LRRC72: variants seen among roughly 807,000 people sequenced by gnomAD.
The protein encoded by LRRC72 is leucine-rich repeat-containing protein 72.
Under a neutral mutation model 35.8 loss-of-function variants are expected in LRRC72, and 41 were observed. That is an observed-to-expected ratio of 1.15 (90% CI 0.89 to 1.49). The LOEUF (loss-of-function observed/expected upper bound fraction) is 1.49. LRRC72 is among the 40% of genes most tolerant of loss of function. The pLI, the probability that LRRC72 is intolerant of heterozygous loss-of-function variation, is 0.00. For synonymous variants in LRRC72, 118 were observed against 119.2 expected (o/e 0.99, Z 0.07); for missense variants, 389 against 330.7 (o/e 1.18, Z -1.37).
intron 4 of LRRC72, among the ~76,000 whole-genome samples, chr7:16,558,450 A>G (rs532646901): frequency 2.0e-5 from 3 of 152,260 alleles, no homozygotes; most frequent in African/African-American, 7.2e-5. Flanking sequence ...TCTCTACTAA[A>G]AATACAAAAA....
chr7:16,577,890 G>C (rs376952111), intron 7 of LRRC72, among the ~76,000 whole-genome samples: 2 of 152,146 alleles, frequency 1.3e-5, no homozygotes, highest in African/African-American at 4.8e-5. Flanking sequence ...TAAAGATGAG[G>C]GGGGAACGAG....
At chr7:16,557,078 G>C (rs1459532979) in intron 3 of LRRC72, among the ~76,000 whole-genome samples, 2 of 152,172 alleles carry the variant, frequency 1.3e-5, no homozygotes, top group Non-Finnish European at 2.9e-5. Flanking sequence ...GGCTAGGCCA[G>C]GTTACAGAGG....
chr7:16,536,001 T>C (rs1782250785), intron 2 of LRRC72, among the ~76,000 whole-genome samples: 1 of 152,168 alleles, frequency 6.6e-6, no homozygotes, highest in East Asian at 1.9e-4. Flanking sequence ...GTCTCCTAAG[T>C]AGCTGGGATT....
intron 7 of LRRC72, among the ~76,000 whole-genome samples, chr7:16,574,927 C>A (rs1783012109): frequency 6.6e-6 from 1 of 151,990 alleles, no homozygotes; most frequent in African/African-American, 2.4e-5. Flanking sequence ...ACCAGCCTGG[C>A]CAATATGGTT....
chr7:16,560,474 C>T (rs1011363931), intron 5 of LRRC72, among the ~76,000 whole-genome samples: 1 of 152,116 alleles, frequency 6.6e-6, no homozygotes, highest in Non-Finnish European at 1.5e-5. Context: ...CGTGAGAAGG[C>T]TGCCTGCTGT....
intron 3 of LRRC72, among the ~76,000 whole-genome samples, chr7:16,543,955 G>C (rs992293180): frequency 1.3e-5 from 2 of 152,126 alleles, no homozygotes; most frequent in Admixed American, 6.5e-5. Context: ...ATTTGAGTTG[G>C]GCTTAAAAGT....
intron 3 of LRRC72, among the ~76,000 whole-genome samples, chr7:16,544,848 G>A (rs1192988165): frequency 1.3e-5 from 2 of 152,148 alleles, no homozygotes; most frequent in African/African-American, 4.8e-5. Flanking sequence ...TATTCAAAAT[G>A]GAATCTGGGT....
At chr7:16,580,507 G>A (rs1783121895) in intron 8 of LRRC72, among the ~76,000 whole-genome samples, 1 of 152,086 alleles carries the variant, frequency 6.6e-6, no homozygotes, top group Non-Finnish European at 1.5e-5. Context: ...GGCCTGGCAT[G>A]GTGGCAGGCG....
intron 3 of LRRC72, among the ~76,000 whole-genome samples, chr7:16,543,629 C>T (rs1406227751): frequency 6.6e-6 from 1 of 152,188 alleles, no homozygotes; most frequent in Non-Finnish European, 1.5e-5. Flanking sequence ...AGAATAATCC[C>T]ACTCTTCTGG....
rs1361393462 is a variant in LRRC72 at position 16,558,919 on chromosome 7, T to C, written c.347T>C (p.Leu116Pro). Reference protein sequence around the residue: ...GLHYLPSLHILLLHHNELTNI... With the variant: ...GLHYLPSLHIPLLHHNELTNI... ...CATTATTTGCCTTCATTGCATATAC[T>C]CCTGCTACACCACAATGAGCTAACC... The change falls in exon 5 of 9, where the codon CTC becomes CCC. Residue 116 changes from leucine to proline, a missense_variant. Physicochemically the swap from Leu to Pro is moderately conservative, Grantham distance 98. Transcript: ENST00000401542. The C allele has an allele frequency of 6.6e-7, 1 of 1,526,284 alleles. No homozygotes were observed. The highest frequency in any genetic ancestry group is 8.8e-7 in the Non-Finnish European group (1 of 1,132,324). 94.5% of individuals were successfully genotyped at this position (1,526,284 alleles called of 1,614,324 possible).
intron 5 of LRRC72, among the ~76,000 whole-genome samples, chr7:16,559,636 C>T (rs1782710244): frequency 6.6e-6 from 1 of 151,666 alleles, no homozygotes; most frequent in African/African-American, 2.4e-5. Flanking sequence ...GTAGGCACAT[C>T]TATAGGGACA....
At chr7:16,537,750 T>TA in intron 3 of LRRC72, 54 bp downstream of exon 3, 1 of 1,091,682 alleles carries the variant, frequency 9.2e-7, no homozygotes, top group Non-Finnish European at 1.3e-6. Context: ...ATCTTAATTT[T>TA]GTATTCCTAA....
chr7:16,536,087 G>A (rs1262322403), intron 2 of LRRC72, among the ~76,000 whole-genome samples: 1 of 151,980 alleles, frequency 6.6e-6, no homozygotes, highest in Non-Finnish European at 1.5e-5. Flanking sequence ...TGGCTAGGCT[G>A]GTCTCAAACT....
chr7:16,538,286 G>T (rs1165222119), intron 3 of LRRC72, among the ~76,000 whole-genome samples: 1 of 152,274 alleles, frequency 6.6e-6, no homozygotes, highest in East Asian at 1.9e-4. Flanking sequence ...GGGTGGTGTT[G>T]TAGTAGCAAA....
chr7:16,568,084 A>C (rs879443292), intron 7 of LRRC72, among the ~76,000 whole-genome samples: 6 of 152,164 alleles, frequency 3.9e-5, no homozygotes, highest in Non-Finnish European at 8.8e-5. Context: ...TGTAACAGAA[A>C]TGCAAAAAAA....
Position 16,532,573 on chromosome 7 carries a change from GT to G in LRRC72, c.164+6del. 1.3e-6 allele frequency: 2 copies of G among 1,538,014 alleles called. No homozygotes were observed. Among genetic ancestry groups the G allele is most frequent in the Non-Finnish European group, 1.8e-6 (2 of 1,135,628 alleles). On this transcript the variant is annotated splice_donor_region_variant and intron_variant, in intron 2 of 8. Transcript: ENST00000401542. ...TGAGCTGTTCCTTTCTAAAAAGTAA[GT>G]GTACTTAACATAAAAAATGAAAGAG...
intron 1 of LRRC72, 101 bp downstream of exon 1, chr7:16,527,143 G>T (rs1398933976): frequency 1.2e-6 from 1 of 858,948 alleles, no homozygotes; most frequent in Non-Finnish European, 1.8e-6. Flanking sequence ...GAATTTGGAG[G>T]GGAATTTCAG....
chr7:16,557,030 A>G (rs1027422185), intron 3 of LRRC72, among the ~76,000 whole-genome samples: 1 of 152,232 alleles, frequency 6.6e-6, no homozygotes, highest in African/African-American at 2.4e-5. Flanking sequence ...GTGAGAGTGT[A>G]TGGAGCAGAA....
At chr7:16,531,719 C>T (rs1782168357) in intron 1 of LRRC72, among the ~76,000 whole-genome samples, 1 of 152,038 alleles carries the variant, frequency 6.6e-6, no homozygotes, top group Non-Finnish European at 1.5e-5. Context: ...ACAGACTTTA[C>T]TTTTTTCATA....
Sources: allele counts gnomAD v4.1 joint callset (sites outside exome capture counted in the v4.1 genomes callset), GRCh38; gene constraint gnomAD v4.1.1; transcripts MANE v1.5; gene names NCBI Gene and HGNC (gene_info 2026-07-23, HGNC 2026-07-21).